MSRA: variants seen among roughly 807,000 people sequenced by gnomAD.
MSRA encodes the protein methionine sulfoxide reductase A.
MSRA carries 54 observed loss-of-function variants against 31.3 expected under a neutral mutation model. The observed-to-expected ratio is 1.73, with a 90% CI of 1.39 to 2.17. The LOEUF is 2.17. Among genes scored for constraint, MSRA ranks in the 30% most tolerant of loss-of-function variants. MSRA has a pLI of 0.00. For missense variants in MSRA, 507 were observed against 300.9 expected (o/e 1.69, Z -5.07); for synonymous variants, 169 against 116.5 (o/e 1.45, Z -2.90).
chr8:10,161,278 A>G (rs1319598998), intron 1 of MSRA, among the ~76,000 whole-genome samples: 1 of 152,182 alleles, frequency 6.6e-6, no homozygotes, highest in Non-Finnish European at 1.5e-5. Context: ...TCCCCATTTA[A>G]TTCCTGGTGG....
chr8:10,245,863 C>T (rs1797597282), intron 3 of MSRA, among the ~76,000 whole-genome samples: 2 of 152,202 alleles, frequency 1.3e-5, no homozygotes, highest in South Asian at 2.1e-4. Context: ...TATGGGATGG[C>T]TCCCCAAAGG....
intron 3 of MSRA, among the ~76,000 whole-genome samples, chr8:10,294,256 A>G (rs923432805): frequency 3.3e-5 from 5 of 152,200 alleles, no homozygotes; most frequent in African/African-American, 1.2e-4. Flanking sequence ...AAACTTTTAG[A>G]CATAGATTCC....
At chr8:10,084,598 T>G (rs1297030092) in intron 1 of MSRA, among the ~76,000 whole-genome samples, 1 of 152,240 alleles carries the variant, frequency 6.6e-6, no homozygotes, top group Admixed American at 6.5e-5. Flanking sequence ...TACATGACCT[T>G]GGTCAAGCTA....
intron 1 of MSRA, among the ~76,000 whole-genome samples, chr8:10,144,473 A>G (rs950989083): frequency 7.2e-5 from 11 of 152,200 alleles, no homozygotes; most frequent in East Asian, 1.9e-4. Flanking sequence ...CTGGCACGCC[A>G]TCAGTGTTGT....
At chr8:10,258,418 C>G (rs1181393027) in intron 3 of MSRA, among the ~76,000 whole-genome samples, 1 of 152,210 alleles carries the variant, frequency 6.6e-6, no homozygotes, top group Non-Finnish European at 1.5e-5. Context: ...TCCTGTCCTA[C>G]TAGGTGAGAT....
At chr8:10,424,106 G>A (rs929781037) in intron 5 of MSRA, among the ~76,000 whole-genome samples, 1 of 152,224 alleles carries the variant, frequency 6.6e-6, no homozygotes, top group African/African-American at 2.4e-5. Flanking sequence ...TTCAAGAAGC[G>A]GGCAGGTTTC....
At chr8:10,109,165 T>C (rs1406039192) in intron 1 of MSRA, among the ~76,000 whole-genome samples, 1 of 152,184 alleles carries the variant, frequency 6.6e-6, no homozygotes, top group Non-Finnish European at 1.5e-5. Context: ...AAAATGCATA[T>C]AGTGCCTGCC....
intron 5 of MSRA, among the ~76,000 whole-genome samples, chr8:10,345,882 T>C (rs1803739993): frequency 6.6e-6 from 1 of 152,224 alleles, no homozygotes; most frequent in African/African-American, 2.4e-5. Context: ...TACTCAAGTC[T>C]TTATTTAGTC....
At chr8:10,110,714 C>A (rs534990348) in intron 1 of MSRA, among the ~76,000 whole-genome samples, 174 of 152,302 alleles carry the variant, frequency 1.1e-3, no homozygotes, top group Admixed American at 1.9e-3. Flanking sequence ...GCTGGCTGAC[C>A]TGTGCTGTCT....
chr8:10,085,966 C>G (rs1798539861), intron 1 of MSRA, among the ~76,000 whole-genome samples: 1 of 152,168 alleles, frequency 6.6e-6, no homozygotes. Flanking sequence ...GACCTTGCTG[C>G]TGGGTGTTCA....
intron 1 of MSRA, among the ~76,000 whole-genome samples, chr8:10,202,270 T>C (rs1808566197): frequency 6.6e-6 from 1 of 152,264 alleles, no homozygotes; most frequent in African/African-American, 2.4e-5. Context: ...AAAATGTCTT[T>C]AAAAACTCCA....
At chr8:10,056,342 A>T (rs1802369743) in intron 1 of MSRA, among the ~76,000 whole-genome samples, 1 of 152,118 alleles carries the variant, frequency 6.6e-6, no homozygotes, top group Admixed American at 6.5e-5. Context: ...TAATATGTAA[A>T]TGACATTTTT....
chr8:10,334,799 C>T (rs1042211812), intron 5 of MSRA, among the ~76,000 whole-genome samples: 4 of 152,236 alleles, frequency 2.6e-5, no homozygotes, highest in East Asian at 1.9e-4. Context: ...TTTGCACTTA[C>T]TTCAAAATGT....
chr8:10,147,570 G>C (rs1244459940), intron 1 of MSRA, among the ~76,000 whole-genome samples: 1 of 152,192 alleles, frequency 6.6e-6, no homozygotes, highest in Non-Finnish European at 1.5e-5. Context: ...CCGTGTACAG[G>C]GTAGAAGGGG....
chr8:10,397,287 T>A (rs996551785), intron 5 of MSRA, among the ~76,000 whole-genome samples: 1 of 152,216 alleles, frequency 6.6e-6, no homozygotes, highest in Admixed American at 6.5e-5. Context: ...CTTTGAATCA[T>A]ACCCCTCAAA....
At chr8:10,120,670 G>A (rs1801044254) in intron 1 of MSRA, among the ~76,000 whole-genome samples, 1 of 152,216 alleles carries the variant, frequency 6.6e-6, no homozygotes. Flanking sequence ...ATACAGTAGG[G>A]GAGATGATCA....
At chr8:10,335,591 G>A (rs1225563346) in intron 5 of MSRA, among the ~76,000 whole-genome samples, 1 of 152,168 alleles carries the variant, frequency 6.6e-6, no homozygotes, top group Non-Finnish European at 1.5e-5. Flanking sequence ...TCTTGTACCT[G>A]GTCAAACAGG....
At chr8:10,303,528 A>C (rs1349351335) in intron 4 of MSRA, among the ~76,000 whole-genome samples, 1 of 152,180 alleles carries the variant, frequency 6.6e-6, no homozygotes, top group Non-Finnish European at 1.5e-5. Flanking sequence ...ATGGAGACCA[A>C]AACAAGGCAA....
intron 3 of MSRA, among the ~76,000 whole-genome samples, chr8:10,285,220 C>A (rs1294850781): frequency 6.6e-6 from 1 of 152,208 alleles, no homozygotes; most frequent in African/African-American, 2.4e-5. Context: ...TCCGCCTTCT[C>A]CGAGCCCTTG....
Sources: gnomAD v4.1 joint callset for allele counts (sites outside exome capture counted in the v4.1 genomes callset) on GRCh38, gnomAD v4.1.1 for gene constraint, MANE v1.5 for transcripts, NCBI Gene and HGNC (gene_info 2026-07-23, HGNC 2026-07-21) for gene names.